The following ADAM32 variants were observed in gnomAD, a reference collection of about 807,000 sequenced individuals.
ADAM32 encodes the protein disintegrin and metalloproteinase domain-containing protein 32.
In ADAM32, 89 loss-of-function variants were observed where a neutral mutation model predicts 114.9. The ratio of observed to expected loss-of-function variants is 0.77; its 90% CI spans 0.65 to 0.92. The LOEUF (loss-of-function observed/expected upper bound fraction) is 0.92. Among genes scored for constraint, ADAM32 ranks in the 40% least tolerant of loss-of-function variants. The pLI is 0.00. For missense variants in ADAM32, 870 were observed against 932.8 expected (o/e 0.93, Z 0.88); for synonymous variants, 285 against 307.5 (o/e 0.93, Z 0.77).
chr8:39,173,343 G>A (rs1369390685), intron 10 of ADAM32, among the ~76,000 whole-genome samples: 1 of 151,994 alleles, frequency 6.6e-6, no homozygotes, highest in East Asian at 1.9e-4. Context: ...GTTGTTTCTT[G>A]ACTTTTTAAT....
intron 2 of ADAM32, among the ~76,000 whole-genome samples, chr8:39,125,005 A>G (rs1281356020): frequency 6.6e-6 from 1 of 152,144 alleles, no homozygotes; most frequent in Non-Finnish European, 1.5e-5. Context: ...CATTGCCAGT[A>G]TCTGTTGTTT....
At chr8:39,180,448 G>A (rs958840156) in intron 10 of ADAM32, among the ~76,000 whole-genome samples, 3 of 152,198 alleles carry the variant, frequency 2.0e-5, no homozygotes, top group Admixed American at 1.3e-4. Flanking sequence ...GAGCCTCCCC[G>A]ACGAGCGCTG....
intron 19 of ADAM32, among the ~76,000 whole-genome samples, chr8:39,261,164 T>C (rs1180938241): frequency 6.6e-6 from 1 of 152,202 alleles, no homozygotes; most frequent in Admixed American, 6.5e-5. Flanking sequence ...AGAACTTTTT[T>C]CGCATATCTC....
At chr8:39,165,749 T>C (rs1305682373) in intron 9 of ADAM32, 1 of 152,164 alleles carries the variant, frequency 6.6e-6, no homozygotes, top group Non-Finnish European at 1.5e-5. Flanking sequence ...TGTCTATATA[T>C]GTATTTAAGT....
At chr8:39,200,093 T>A (rs1301192353) in intron 11 of ADAM32, among the ~76,000 whole-genome samples, 1 of 152,232 alleles carries the variant, frequency 6.6e-6, no homozygotes, top group South Asian at 2.1e-4. Context: ...TGTGTGCATG[T>A]GTCTTTATAG....
At chr8:39,201,755 G>T (rs189774818) in intron 11 of ADAM32, among the ~76,000 whole-genome samples, 123 of 152,228 alleles carry the variant, frequency 8.1e-4, no homozygotes, top group African/African-American at 2.1e-3. Flanking sequence ...TATGATATTG[G>T]CTGTGGGTTT....
chr8:39,230,676 G>A (rs1482539801), intron 14 of ADAM32, among the ~76,000 whole-genome samples: 2 of 152,160 alleles, frequency 1.3e-5, no homozygotes, highest in East Asian at 3.9e-4. Flanking sequence ...CCTGTGATGG[G>A]CCAATATCAA....
At chr8:39,113,557 C>T (rs2129444099) in intron 1 of ADAM32, among the ~76,000 whole-genome samples, 1 of 152,274 alleles carries the variant, frequency 6.6e-6, no homozygotes, top group East Asian at 1.9e-4. Context: ...GGTGTAGCCA[C>T]TAGCATCTCA....
At chr8:39,213,496 A>T (rs1808361937) in intron 12 of ADAM32, among the ~76,000 whole-genome samples, 1 of 152,074 alleles carries the variant, frequency 6.6e-6, no homozygotes, top group Non-Finnish European at 1.5e-5. Flanking sequence ...TTTTTAAAAA[A>T]TTTCTAATTT....
At position 39,190,328 on chromosome 8, in the gene ADAM32, T is replaced by C. The variant is rs557378256; in HGVS notation, c.1052+3283T>C. Among the ~76,000 whole-genome samples the C allele has an allele frequency of 3.9e-5, 6 of 152,380 alleles. 1 individual carries two copies. In the South Asian group the frequency reaches 1.0e-3, roughly 26 times the overall value. Reference sequence around the variant, plus strand: ...ACTTAGGTTTATTCCATGTTTTGGCTATTGTGAATAGTGCTGCAATAAACA... The same window carrying C: ...ACTTAGGTTTATTCCATGTTTTGGCCATTGTGAATAGTGCTGCAATAAACA... On this transcript the variant is annotated intron_variant, in intron 11 of 24. Transcript: ENST00000379907.
At chr8:39,254,294 G>T in intron 17 of ADAM32, 120 bp from the exon 18 acceptor site, 21 of 614,264 alleles carry the variant, frequency 3.4e-5, no homozygotes, top group Non-Finnish European at 3.9e-5. Flanking sequence ...TTTGATATGT[G>T]AGACTGTCGC....
At chr8:39,257,117 G>A in intron 18 of ADAM32, 70 bp from the exon 19 acceptor site, 1 of 1,363,766 alleles carries the variant, frequency 7.3e-7, no homozygotes, top group Non-Finnish European at 9.7e-7. Flanking sequence ...TAATGAATGT[G>A]TTGCAACTTG....
Position 39,160,799 on chromosome 8 carries a change from A to C in ADAM32, c.526-98A>C, listed in dbSNP as rs1432579719. 4.8e-6 allele frequency: 5 copies of C among 1,048,398 alleles called. No homozygotes were observed. The African/African-American group carries it at 6.6e-5, about 14-fold the overall frequency. The allele number at this position is 1,048,398 out of a possible 1,614,324, so 64.9% of individuals were successfully genotyped here. Reference sequence around the variant, plus strand: ...AATTTGATAAAGCAAACACCTCTGCATATCTTGTAAGTGCTGTGGTATTAG... The same window carrying C: ...AATTTGATAAAGCAAACACCTCTGCCTATCTTGTAAGTGCTGTGGTATTAG... On this transcript the variant is annotated intron_variant, in intron 6 of 24. Coordinates refer to ENST00000379907, the MANE Select transcript of ADAM32 (RefSeq NM_145004.7).
At chr8:39,275,799 G>A in intron 21 of ADAM32, 29 bp from the exon 22 acceptor site, 1 of 1,542,966 alleles carries the variant, frequency 6.5e-7, no homozygotes, top group East Asian at 2.4e-5. Context: ...GTATTAACGT[G>A]GAAGCATTAC....
intron 1 of ADAM32, among the ~76,000 whole-genome samples, chr8:39,110,372 C>CT (rs900244318): frequency 2.2e-4 from 34 of 152,088 alleles, no homozygotes; most frequent in African/African-American, 8.0e-4. Flanking sequence ...CACCCGGCCG[C>CT]TTTTTTATTT....
At chr8:39,253,572 T>C (rs1360137621) in intron 17 of ADAM32, among the ~76,000 whole-genome samples, 2 of 151,670 alleles carry the variant, frequency 1.3e-5, no homozygotes, top group Admixed American at 6.6e-5. Flanking sequence ...TTCAGTAAAG[T>C]TGCAGGACAC....
intron 10 of ADAM32, among the ~76,000 whole-genome samples, chr8:39,174,454 T>C (rs572267417): frequency 8.1e-4 from 93 of 115,442 alleles, no homozygotes; most frequent in African/African-American, 3.0e-3. Flanking sequence ...GAACTCTTTT[T>C]TGGTTCCATA....
Position 39,219,928 on chromosome 8 carries a change from G to A in ADAM32, c.1234-1682G>A, listed in dbSNP as rs904461649. ...AAAATGTATATGCTATTGTTGAAATGTGGAGTACTTTGTAAGTGTGTATTA... is the reference window on the plus strand; with the variant it reads ...AAAATGTATATGCTATTGTTGAAATATGGAGTACTTTGTAAGTGTGTATTA... On this transcript the variant is annotated intron_variant, in intron 12 of 24. Transcript: ENST00000379907. 7.9e-5 allele frequency among the ~76,000 whole-genome samples: 12 copies of A among 152,192 alleles called. No homozygotes were observed. In the East Asian group the frequency reaches 9.6e-4, roughly 12 times the overall value.
chr8:39,151,360 T>C lies in ADAM32; in HGVS notation c.354-17T>C. The C allele has an allele frequency of 6.4e-7, 1 of 1,555,544 alleles. No individual in the cohort carries two copies. The highest frequency in any genetic ancestry group is 8.7e-7 in the Non-Finnish European group (1 of 1,155,932). On this transcript the variant is annotated splice_polypyrimidine_tract_variant and intron_variant, in intron 5 of 24. Transcript: ENST00000379907. ...ATTTGATTAAAAGCACTTAAAATTG[T>C]ATTCATAATTTCACAGAGGAATACT...
Sources: gnomAD v4.1 joint callset for allele counts (sites outside exome capture counted in the v4.1 genomes callset) on GRCh38, gnomAD v4.1.1 for gene constraint, MANE v1.5 for transcripts, NCBI Gene and HGNC (gene_info 2026-07-23, HGNC 2026-07-21) for gene names.